The following CHUK variants were observed in gnomAD, a reference collection of about 807,000 sequenced individuals.
CHUK encodes the protein component of inhibitor of nuclear factor kappa B kinase complex.
Under a neutral mutation model 104.8 loss-of-function variants are expected in CHUK, and 35 were observed. The ratio of observed to expected loss-of-function variants is 0.33; its 90% CI spans 0.26 to 0.44. The LOEUF is 0.44. Ranked by LOEUF, CHUK falls within the 20% of genes least tolerant of loss-of-function variation. The pLI is 1.00. For missense variants in CHUK, 663 were observed against 902.7 expected (o/e 0.73, Z 3.40); for synonymous variants, 276 against 291.9 (o/e 0.95, Z 0.56).
At chr10:100,226,042 A>G in intron 1 of CHUK, 25 bp from the exon 2 acceptor site, 1 of 1,378,288 alleles carries the variant, frequency 7.3e-7, no homozygotes, top group Non-Finnish European at 1.0e-6. Flanking sequence ...AATCAACAGA[A>G]AAAAAAAATT....
rs866651708 is a variant in CHUK at position 100,190,878 on chromosome 10, A to G, written c.2199T>C (p.Asn733=). Residue 733 remains asparagine, a synonymous_variant, in exon 20 of 21, where the codon AAT becomes AAC. Coordinates refer to ENST00000370397, the MANE Select transcript of CHUK (RefSeq NM_001278.5). ...IIHEANEEQG[N]SMMNLDWSWL... The stretch of plus-strand genomic sequence containing the variant: ...TCCACACAAAACTTACCATCATACT[A>G]TTGCCCTGTTCCTCATTTGCCTCAT... 6.3e-7 allele frequency: 1 copy of G among 1,596,124 alleles called. No individual in the cohort carries two copies. Among genetic ancestry groups the G allele is most frequent in the South Asian group, 1.1e-5 (1 of 90,704 alleles).
At chr10:100,226,757 A>G (rs1020325338) in intron 1 of CHUK, among the ~76,000 whole-genome samples, 10 of 152,384 alleles carry the variant, frequency 6.6e-5, no homozygotes, top group Middle Eastern at 6.8e-3. Flanking sequence ...AATTTCCAAC[A>G]TATGTAATCT....
intron 16 of CHUK, among the ~76,000 whole-genome samples, chr10:100,196,385 GTT>G (rs34375161): frequency 3.9e-4 from 50 of 128,164 alleles, no homozygotes; most frequent in Middle Eastern, 4.0e-3. Context: ...TCTGCTCTGG[GTT>G]TTTTTTTTTT....
chr10:100,188,363 A>G lies in CHUK; in HGVS notation c.*1235T>C, dbSNP rs1342769372. ...ATTTTTATAATGAATAGAGATCAAG[A>G]AAGTAATTTAAAAACCATTTAATAC... is the stretch of plus-strand genomic sequence containing the variant. On this transcript the variant is annotated 3_prime_UTR_variant, in exon 21 of 21. Coordinates refer to ENST00000370397, the MANE Select transcript of CHUK (RefSeq NM_001278.5). The G allele has an allele frequency of 6.6e-6, 1 of 152,634 alleles. No homozygotes were observed. Among genetic ancestry groups the G allele is most frequent in the East Asian group, 1.9e-4 (1 of 5,204 alleles). 9.5% of individuals were successfully genotyped at this position (152,634 alleles called of 1,614,324 possible). A position where few individuals can be genotyped will look rare whatever the true frequency, so the allele number is the denominator to read the frequency against.
At chr10:100,200,235 C>T (rs1454751168) in intron 15 of CHUK, among the ~76,000 whole-genome samples, 1 of 152,124 alleles carries the variant, frequency 6.6e-6, no homozygotes, top group Non-Finnish European at 1.5e-5. Context: ...TCTGATCTAT[C>T]ATGGGGACAT....
In CHUK at chr10:100,222,947, A is replaced by C; in HGVS notation, c.234T>G (p.Asp78Glu). ...LNHANVVKAC[D>E]VPEELNILIH... Reference sequence around the variant, plus strand: ...TCAAAATATTCAATTCTTCAGGAACATCACAGGCCTTTACAACATTGGCAT... The same window carrying C: ...TCAAAATATTCAATTCTTCAGGAACCTCACAGGCCTTTACAACATTGGCAT... Residue 78 changes from aspartate to glutamate, a missense_variant, in exon 3 of 21, where the codon GAT becomes GAG. By Grantham distance (45) the Asp-to-Glu change is conservative (BLOSUM62 2). Coordinates refer to ENST00000370397, the MANE Select transcript of CHUK (RefSeq NM_001278.5). 1 of 1,605,358 alleles carries C rather than the reference A, an allele frequency of 6.2e-7. No individual in the cohort carries two copies. The highest frequency in any genetic ancestry group is 8.5e-7 in the Non-Finnish European group (1 of 1,172,280).
At chr10:100,210,019 T>C (rs1845687369) in intron 9 of CHUK, among the ~76,000 whole-genome samples, 2 of 151,916 alleles carry the variant, frequency 1.3e-5, no homozygotes, top group Admixed American at 1.3e-4. Context: ...ATTTCAAAGT[T>C]AAGAAATTTT....
At chr10:100,221,933 G>C (rs1213538752) in intron 4 of CHUK, among the ~76,000 whole-genome samples, 179 bp downstream of exon 4, 2 of 152,192 alleles carry the variant, frequency 1.3e-5, no homozygotes, top group African/African-American at 2.4e-5. Context: ...ACCGCACCTA[G>C]CCAAAATATC....
intron 9 of CHUK, among the ~76,000 whole-genome samples, chr10:100,212,335 A>G (rs1347046158): frequency 2.6e-5 from 4 of 152,152 alleles, no homozygotes. Context: ...AGCCATCCCA[A>G]CAGGTGGGGG....
At chr10:100,212,393 T>C (rs930746544) in intron 9 of CHUK, among the ~76,000 whole-genome samples, 3 of 152,142 alleles carry the variant, frequency 2.0e-5, no homozygotes, top group Admixed American at 1.3e-4. Context: ...ATGCTAAGAG[T>C]TGTTGAGCAC....
intron 18 of CHUK, chr10:100,193,782 A>G: frequency 1.6e-6 from 1 of 629,408 alleles, no homozygotes; most frequent in Non-Finnish European, 2.8e-6. Context: ...GAGTATAACA[A>G]CAGAGAAATT....
chr10:100,197,316 GT>G (rs1178417936), intron 16 of CHUK, among the ~76,000 whole-genome samples: 1 of 152,146 alleles, frequency 6.6e-6, no homozygotes, highest in Non-Finnish European at 1.5e-5. Context: ...GGCACCTCAT[GT>G]TTAAGTCTTC....
intron 9 of CHUK, among the ~76,000 whole-genome samples, chr10:100,212,202 T>C (rs1262394052): frequency 1.3e-5 from 2 of 152,146 alleles, no homozygotes; most frequent in African/African-American, 4.8e-5. Context: ...ATTTTTAATT[T>C]TGAGGAACCT....
chr10:100,219,305 G>A lies in CHUK; in HGVS notation c.529C>T (p.Leu177=). Residue 177 remains leucine (L), a synonymous_variant, in exon 6 of 21, where the codon CTG becomes TTG. Transcript: ENST00000370397. ...AGTGTTCCCACAAAAGATGTACACAGACTTCCTTGATCAACATCTTTGGCA... is the reference window on the plus strand; with the variant it reads ...AGTGTTCCCACAAAAGATGTACACAAACTTCCTTGATCAACATCTTTGGCA... ...GYAKDVDQGS[L]CTSFVGTLQY... is the part of the protein sequence containing the mutation. 1 of 1,605,290 alleles carries A rather than the reference G, an allele frequency of 6.2e-7. No individual in the cohort carries two copies. Among genetic ancestry groups the A allele is most frequent in the Non-Finnish European group, 8.5e-7 (1 of 1,172,014 alleles).
intron 16 of CHUK, 195 bp from the exon 17 acceptor site, chr10:100,194,716 TAA>T: frequency 2.2e-6 from 1 of 447,080 alleles, no homozygotes; most frequent in East Asian, 4.2e-5. Flanking sequence ...ATATAAAAAA[TAA>T]AGTTTGCAGG....
At chr10:100,203,676 T>C (rs1845522069) in intron 13 of CHUK, among the ~76,000 whole-genome samples, 1 of 152,184 alleles carries the variant, frequency 6.6e-6, no homozygotes, top group South Asian at 2.1e-4. Flanking sequence ...TCTGTTTTTT[T>C]ACACTTCCTT....
intron 13 of CHUK, among the ~76,000 whole-genome samples, chr10:100,203,332 A>G (rs956427448): frequency 3.3e-5 from 5 of 152,164 alleles, no homozygotes; most frequent in Non-Finnish European, 5.9e-5. Flanking sequence ...TAACAATTGT[A>G]TAATAAGCCT....
intron 19 of CHUK, chr10:100,193,025 A>G: frequency 2.2e-6 from 1 of 451,932 alleles, no homozygotes; most frequent in East Asian, 4.4e-5. Context: ...TTGAGCTAAT[A>G]ATACGCAACA....
chr10:100,209,944 T>C (rs1206059563), intron 9 of CHUK, among the ~76,000 whole-genome samples, 155 bp from the exon 10 acceptor site: 1 of 152,150 alleles, frequency 6.6e-6, no homozygotes, highest in Non-Finnish European at 1.5e-5. Flanking sequence ...TTTATAATTA[T>C]AAAATGACAT....
Sources: allele counts gnomAD v4.1 joint callset (sites outside exome capture counted in the v4.1 genomes callset), GRCh38; gene constraint gnomAD v4.1.1; transcripts MANE v1.5; gene names NCBI Gene and HGNC (gene_info 2026-07-23, HGNC 2026-07-21).